SLC24A3: variants seen among roughly 807,000 people sequenced by gnomAD.
SLC24A3 encodes the protein solute carrier family 24 member 3, also known as sodium/potassium/calcium exchanger 3.
A neutral mutation model predicts 75.8 loss-of-function variants in SLC24A3; 28 were observed. The observed-to-expected ratio is 0.37, with a 90% CI of 0.27 to 0.51. The LOEUF is 0.51. SLC24A3 is among the 20% of genes least tolerant of loss of function. The pLI is 0.94. For synonymous variants in SLC24A3, 372 were observed against 334.1 expected, an observed-to-expected ratio of 1.11 and a Z score of -1.24; for missense variants, 663 against 847.8, an observed-to-expected ratio of 0.78 and a Z score of 2.71.
intron 2 of SLC24A3, among the ~76,000 whole-genome samples, chr20:19,285,207 G>C (rs1168741563): frequency 6.6e-6 from 1 of 152,150 alleles, no homozygotes; most frequent in South Asian, 2.1e-4. Context: ...ACTGGGCGCG[G>C]TGACTCACGC....
At chr20:19,690,342 G>A (rs900638767) in intron 12 of SLC24A3, among the ~76,000 whole-genome samples, 6 of 152,132 alleles carry the variant, frequency 3.9e-5, no homozygotes, top group African/African-American at 1.2e-4. Flanking sequence ...AAATTCACTG[G>A]CACTAACTTA....
intron 3 of SLC24A3, among the ~76,000 whole-genome samples, chr20:19,565,146 C>T (rs758065795): frequency 1.3e-5 from 2 of 152,220 alleles, no homozygotes; most frequent in Non-Finnish European, 2.9e-5. Context: ...GGTGTCCCTC[C>T]TCTGTGGGTT....
At chr20:19,258,733 C>G (rs1358937470) in intron 1 of SLC24A3, among the ~76,000 whole-genome samples, 1 of 152,034 alleles carries the variant, frequency 6.6e-6, no homozygotes, top group Non-Finnish European at 1.5e-5. Context: ...AATGATGAGG[C>G]AGATATAAAA....
rs952459220 is a variant in SLC24A3, at chr20:19,722,872, T to C, written c.*1732T>C. ...GGCGATTGTTTTCTTGGACGGATAG[T>C]GTAAAATAAACTTCTCTGTTCTCTA... On this transcript the variant is annotated 3_prime_UTR_variant, in exon 17 of 17. Transcript: ENST00000328041. 1 of 152,624 alleles carries C rather than the reference T, an allele frequency of 6.6e-6. No individual in the cohort carries two copies. The highest frequency in any genetic ancestry group is 1.5e-5 in the Non-Finnish European group (1 of 68,032). The allele number at this position is 152,624 out of a possible 1,614,324, so 9.5% of individuals were successfully genotyped here. A position where few individuals can be genotyped will look rare whatever the true frequency, so the allele number is the denominator to read the frequency against.
At chr20:19,407,603 A>T (rs1426679864) in intron 2 of SLC24A3, among the ~76,000 whole-genome samples, 1 of 152,176 alleles carries the variant, frequency 6.6e-6, no homozygotes, top group Non-Finnish European at 1.5e-5. Context: ...AGGAATCTTT[A>T]CTCTTGATTA....
In SLC24A3 at chr20:19,681,906, C is replaced by G; in HGVS notation, c.816C>G (p.Ala272=). The part of the protein sequence containing the change: ...HQCFERRTKG[A]GNMVNGLANN... ...GCTTTGAGAGGAGGACAAAAGGTGCCGGGAACATGGTCAACGGATTGGCCA... is the reference window on the plus strand; with the variant it reads ...GCTTTGAGAGGAGGACAAAAGGTGCGGGGAACATGGTCAACGGATTGGCCA... Residue 272 remains alanine, a synonymous_variant, in exon 10 of 17, where the codon GCC becomes GCG. Coordinates refer to ENST00000328041, the MANE Select transcript of SLC24A3 (RefSeq NM_020689.4). The G allele has an allele frequency of 6.2e-7, 1 of 1,614,078 alleles. No individual in the cohort carries two copies. The highest frequency in any genetic ancestry group is 8.5e-7 in the Non-Finnish European group (1 of 1,179,998).
At position 19,494,587 on chromosome 20, in the gene SLC24A3, G is replaced by A. The variant is rs142215107; in HGVS notation, c.272-20901G>A. ...AAAGATGTTTGGGGTGGGAGTTTGG[G>A]GGTGCACATTGTTTTTGGTGTCTAA... is the stretch of plus-strand genomic sequence containing the variant. On this transcript the variant is annotated intron_variant, in intron 2 of 16. Coordinates refer to ENST00000328041, the MANE Select transcript of SLC24A3 (RefSeq NM_020689.4). Among the ~76,000 whole-genome samples the A allele has an allele frequency of 2.0e-5, 3 of 152,272 alleles. No homozygotes were observed. The East Asian group carries it at 5.8e-4, about 29-fold the overall frequency.
intron 5 of SLC24A3, 98 bp downstream of exon 5, chr20:19,585,153 T>C (rs1256400032): frequency 4.6e-6 from 5 of 1,087,576 alleles, no homozygotes; most frequent in Admixed American, 2.3e-5. Flanking sequence ...CTGCCACTCA[T>C]AGAAAATGAT....
chr20:19,464,695 ATTTAAAGCTCCCTT>A (rs1447156162), intron 2 of SLC24A3, among the ~76,000 whole-genome samples: 1 of 152,252 alleles, frequency 6.6e-6, no homozygotes, highest in Non-Finnish European at 1.5e-5. Context: ...TGTCTCAGCA[ATTTAAAGCTCCCTT>A]TTTAGCAAGC....
chr20:19,439,088 A>G (rs954801548), intron 2 of SLC24A3, among the ~76,000 whole-genome samples: 4 of 152,110 alleles, frequency 2.6e-5, no homozygotes, highest in African/African-American at 9.7e-5. Context: ...CCCACATCCC[A>G]TACAGATGTT....
At chr20:19,425,591 G>T (rs1986992716) in intron 2 of SLC24A3, among the ~76,000 whole-genome samples, 1 of 152,090 alleles carries the variant, frequency 6.6e-6, no homozygotes, top group South Asian at 2.1e-4. Context: ...TCCCAGTATT[G>T]CTGTCCTAAG....
chr20:19,392,146 C>T (rs1986377784), intron 2 of SLC24A3, among the ~76,000 whole-genome samples: 1 of 152,078 alleles, frequency 6.6e-6, no homozygotes, highest in Non-Finnish European at 1.5e-5. Flanking sequence ...GTTTAGAGGT[C>T]AGGTGAGGAA....
chr20:19,505,067 C>CCAA lies in SLC24A3; in HGVS notation c.272-10420_272-10418dup, dbSNP rs1600257011. ...AATTACATTTCAGTGCTCTGCTAGG[C>CCAA]CAATAGTCTATGTAACTAATGATTG... On this transcript the variant is annotated intron_variant, in intron 2 of 16. Transcript: ENST00000328041. Among the ~76,000 whole-genome samples, 7 of 152,314 alleles carry CCAA rather than the reference C, an allele frequency of 4.6e-5. 1 individual carries two copies. The highest frequency in any genetic ancestry group is 1.3e-4 in the Admixed American group (2 of 15,296).
intron 1 of SLC24A3, among the ~76,000 whole-genome samples, chr20:19,247,672 A>G (rs1358760254): frequency 6.6e-6 from 1 of 152,238 alleles, no homozygotes; most frequent in African/African-American, 2.4e-5. Flanking sequence ...GACTTCGTAC[A>G]AAAGAATGTG....
chr20:19,466,251 G>A (rs1190511223), intron 2 of SLC24A3, among the ~76,000 whole-genome samples: 1 of 152,156 alleles, frequency 6.6e-6, no homozygotes, highest in Non-Finnish European at 1.5e-5. Context: ...CCTATTCCCT[G>A]CAATAGTTCT....
At chr20:19,606,415 A>C (rs894102117) in intron 6 of SLC24A3, among the ~76,000 whole-genome samples, 30 of 152,160 alleles carry the variant, frequency 2.0e-4, no homozygotes, top group African/African-American at 6.8e-4. Context: ...TTTATTTTGT[A>C]GCTCAGGGTG....
At chr20:19,412,134 C>T (rs1476444664) in intron 2 of SLC24A3, among the ~76,000 whole-genome samples, 1 of 152,156 alleles carries the variant, frequency 6.6e-6, no homozygotes, top group African/African-American at 2.4e-5. Context: ...TCTAGGAATT[C>T]AGTGCATTTG....
chr20:19,376,559 T>A (rs911358676), intron 2 of SLC24A3, among the ~76,000 whole-genome samples: 4 of 152,034 alleles, frequency 2.6e-5, no homozygotes, highest in Non-Finnish European at 5.9e-5. Context: ...TTCCCCAGCA[T>A]GAGCCAGCCA....
chr20:19,296,476 A>G (rs1984063309), intron 2 of SLC24A3, among the ~76,000 whole-genome samples: 1 of 151,904 alleles, frequency 6.6e-6, no homozygotes, highest in Non-Finnish European at 1.5e-5. Context: ...GCTTTTCGAT[A>G]TGGTCATTTA....
Sources: gnomAD v4.1 joint callset for allele counts (sites outside exome capture counted in the v4.1 genomes callset) on GRCh38, gnomAD v4.1.1 for gene constraint, MANE v1.5 for transcripts, NCBI Gene and HGNC (gene_info 2026-07-23, HGNC 2026-07-21) for gene names.